Variants in RPS6KB1 observed in about 807,000 individuals in gnomAD.
RPS6KB1 encodes the protein ribosomal protein S6 kinase beta-1.
A neutral mutation model predicts 70.2 loss-of-function variants in RPS6KB1; 12 were observed. That is an observed-to-expected ratio of 0.17 (90% CI 0.11 to 0.28). The LOEUF is 0.28. Ranked by LOEUF, RPS6KB1 falls within the 10% of genes least tolerant of loss-of-function variation. RPS6KB1 has a pLI of 1.00. For missense variants in RPS6KB1, 270 were observed against 646.6 expected, an observed-to-expected ratio of 0.42 and a Z score of 6.32; for synonymous variants, 175 against 211.2, an observed-to-expected ratio of 0.83 and a Z score of 1.49.
At chr17:59,928,425 G>T (rs1369123046) in intron 5 of RPS6KB1, among the ~76,000 whole-genome samples, 1 of 150,898 alleles carries the variant, frequency 6.6e-6, no homozygotes, top group Non-Finnish European at 1.5e-5. Flanking sequence ...CTGTCGCCCA[G>T]ACTGGAGTGC....
rs928691453 is a variant in RPS6KB1 at position 59,948,649 on chromosome 17, C to T, written c.*1861C>T. The T allele has an allele frequency of 6.7e-6, 1 of 148,904 alleles. No individual in the cohort carries two copies. The highest frequency in any genetic ancestry group is 2.5e-5 in the African/African-American group (1 of 40,800). 9.2% of individuals were successfully genotyped at this position (148,904 alleles called of 1,614,324 possible). On this transcript the variant is annotated 3_prime_UTR_variant, in exon 15 of 15. Coordinates refer to ENST00000225577, the MANE Select transcript of RPS6KB1 (RefSeq NM_003161.4). ...GAATCGATAAAAGTTCATCTTTGGA[C>T]AGAAAGCCTTTAAAAAAAAAATCAC... is the stretch of plus-strand genomic sequence containing the variant.
At chr17:59,919,758 C>T (rs999095118) in intron 4 of RPS6KB1, among the ~76,000 whole-genome samples, 3 of 151,986 alleles carry the variant, frequency 2.0e-5, no homozygotes, top group Admixed American at 6.6e-5. Flanking sequence ...CTGTTCCTTA[C>T]ACAGACTTGT....
chr17:59,906,489 A>C (rs2042269990), intron 1 of RPS6KB1, among the ~76,000 whole-genome samples: 1 of 151,934 alleles, frequency 6.6e-6, no homozygotes, highest in Non-Finnish European at 1.5e-5. Context: ...CTCAGCCCTG[A>C]GTAGCTGGGA....
At position 59,940,962 on chromosome 17, in the gene RPS6KB1, A is replaced by C; in HGVS notation, c.1227+19A>C. On this transcript the variant is annotated intron_variant, in intron 13 of 14. Coordinates refer to ENST00000225577, the MANE Select transcript of RPS6KB1 (RefSeq NM_003161.4). ...CTTTCTGGTAAGTGAAAGAATTTCC[A>C]TGTAGTCATGGGAAATTTTAGTGTG... is the stretch of plus-strand genomic sequence containing the variant. The C allele has an allele frequency of 1.3e-6, 2 of 1,508,536 alleles. No homozygotes were observed. The highest frequency in any genetic ancestry group is 1.8e-6 in the Non-Finnish European group (2 of 1,098,954). The allele number at this position is 1,508,536 out of a possible 1,614,324, so 93.4% of individuals were successfully genotyped here.
At chr17:59,919,735 CT>C (rs1302975254) in intron 4 of RPS6KB1, among the ~76,000 whole-genome samples, 1 of 151,926 alleles carries the variant, frequency 6.6e-6, no homozygotes, top group African/African-American at 2.4e-5. Flanking sequence ...AGATGGGAGC[CT>C]TTTTGGTCTG....
At chr17:59,910,300 CT>C (rs1430115002) in intron 1 of RPS6KB1, among the ~76,000 whole-genome samples, 1 of 152,028 alleles carries the variant, frequency 6.6e-6, no homozygotes, top group African/African-American at 2.4e-5. Context: ...GATCATACCC[CT>C]TCATAGCTAT....
intron 4 of RPS6KB1, among the ~76,000 whole-genome samples, chr17:59,923,320 T>C (rs1321445051): frequency 4.0e-5 from 6 of 151,862 alleles, no homozygotes; most frequent in African/African-American, 1.2e-4. Context: ...GCCTCTGGAG[T>C]AACGGGAGTA....
intron 4 of RPS6KB1, among the ~76,000 whole-genome samples, chr17:59,918,086 A>G (rs1021564725): frequency 4.6e-5 from 7 of 151,992 alleles, no homozygotes; most frequent in Admixed American, 2.0e-4. Context: ...GGCATGTGCC[A>G]CCATGCCCGG....
intron 3 of RPS6KB1, among the ~76,000 whole-genome samples, chr17:59,913,453 T>C (rs187105287): frequency 2.0e-5 from 3 of 152,360 alleles, no homozygotes; most frequent in Admixed American, 6.5e-5. Flanking sequence ...CCTATTCTTA[T>C]GCTTAAGAAC....
At position 59,934,431 on chromosome 17, in the gene RPS6KB1, T is replaced by C; in HGVS notation, c.780-3T>C. On this transcript the variant is annotated splice_region_variant and splice_polypyrimidine_tract_variant and intron_variant, in intron 8 of 14. Transcript: ENST00000225577. The surrounding 1 kb of genome is among the most constrained non-coding windows in gnomAD (Gnocchi z 4.8). The stretch of plus-strand genomic sequence containing the variant: ...TTTAAGCATATTATTTTCCTCATTG[T>C]AGGGCCCCTGAAATCTTGATGAGAA... 6.2e-7 allele frequency: 1 copy of C among 1,613,184 alleles called. No individual in the cohort carries two copies. Among genetic ancestry groups the C allele is most frequent in the Non-Finnish European group, 8.5e-7 (1 of 1,179,202 alleles).
Position 59,893,459 on chromosome 17 carries a change from C to A in RPS6KB1, c.141+134C>A. 1.1e-6 allele frequency: 1 copy of A among 942,776 alleles called. No individual in the cohort carries two copies. The highest frequency in any genetic ancestry group is 2.7e-5 in the East Asian group (1 of 37,716). The allele number at this position is 942,776 out of a possible 1,614,324, so 58.4% of individuals were successfully genotyped here. On this transcript the variant is annotated intron_variant, in intron 1 of 14. Coordinates refer to ENST00000225577, the MANE Select transcript of RPS6KB1 (RefSeq NM_003161.4). This position sits in a 1 kb window ranked among gnomAD's most constrained non-coding sequence, Gnocchi z 4.1. ...GAGCTGAGGGTCGCGCGGCCTGAGACAGGGGAGCGGGCGGGGCGGTCATGG... is the reference window on the plus strand; with the variant it reads ...GAGCTGAGGGTCGCGCGGCCTGAGAAAGGGGAGCGGGCGGGGCGGTCATGG...
At position 59,942,517 on chromosome 17, in the gene RPS6KB1, C is replaced by CT. The variant is rs965827868; in HGVS notation, c.1227+1583dup. Among the ~76,000 whole-genome samples the CT allele has an allele frequency of 3.0e-4, 46 of 151,328 alleles. 1 individual carries two copies. Among genetic ancestry groups the CT allele is most frequent in the Middle Eastern group, 3.4e-3 (1 of 294 alleles). On this transcript the variant is annotated intron_variant, in intron 13 of 14. Transcript: ENST00000225577. ...ATGAACATCTATCTCATTTTGTATC[C>CT]TTTTTTTTTCTTTTGTCATTTGTTT... is the stretch of plus-strand genomic sequence containing the variant.
At chr17:59,895,336 T>TG (rs1159254054) in intron 1 of RPS6KB1, among the ~76,000 whole-genome samples, 10 of 110,526 alleles carry the variant, frequency 9.0e-5, no homozygotes, top group African/African-American at 3.6e-4. Flanking sequence ...TTTTTTTTTT[T>TG]TTTGAGACAG....
chr17:59,900,171 A>AACAC (rs759914423), intron 1 of RPS6KB1, among the ~76,000 whole-genome samples: 8,391 of 102,172 alleles, frequency 0.082, 435 homozygotes, highest in Non-Finnish European at 0.094. Context: ...CTAATTGCTA[A>AACAC]ACACACACAC....
intron 10 of RPS6KB1, 93 bp downstream of exon 10, chr17:59,935,393 AT>A: frequency 1.6e-6 from 1 of 638,022 alleles, no homozygotes; most frequent in South Asian, 2.2e-5. Flanking sequence ...AAAGAGTCAT[AT>A]ATAAATATTG....
chr17:59,946,539 C>T lies in RPS6KB1; in HGVS notation c.1341-12C>T, dbSNP rs2044934923. On this transcript the variant is annotated splice_polypyrimidine_tract_variant and intron_variant, in intron 14 of 14. Coordinates refer to ENST00000225577, the MANE Select transcript of RPS6KB1 (RefSeq NM_003161.4). The surrounding 1 kb of genome is among the most constrained non-coding windows in gnomAD (Gnocchi z 4.2). The stretch of plus-strand genomic sequence containing the variant: ...TTAAGCAAATGAATGATAGCTCTTC[C>T]TTGTCTTAAAGCCCAGTCAAATTTT... The T allele has an allele frequency of 6.2e-7, 1 of 1,605,616 alleles. No individual in the cohort carries two copies. The highest frequency in any genetic ancestry group is 1.3e-5 in the African/African-American group (1 of 74,718).
intron 6 of RPS6KB1, chr17:59,930,519 C>CT (rs112833262): frequency 0.042 from 8,577 of 202,518 alleles, 704 homozygotes; most frequent in African/African-American, 0.18. Flanking sequence ...GAAATCATCC[C>CT]TTTTTTTTTA....
rs1485880381 is a variant in RPS6KB1, at chr17:59,949,587, T to C, written c.*2799T>C. 1 of 152,590 alleles carries C rather than the reference T, an allele frequency of 6.6e-6. No homozygotes were observed. The highest frequency in any genetic ancestry group is 2.4e-5 in the African/African-American group (1 of 41,470). 9.5% of individuals were successfully genotyped at this position (152,590 alleles called of 1,614,324 possible). On this transcript the variant is annotated 3_prime_UTR_variant, in exon 15 of 15. Coordinates refer to ENST00000225577, the MANE Select transcript of RPS6KB1 (RefSeq NM_003161.4). ...TACAGAATAACTAAACTGGGATTTA[T>C]AAACCAGCTGTGATTAACAATGTAA... is the stretch of plus-strand genomic sequence containing the variant.
chr17:59,917,352 G>A (rs899685573), intron 4 of RPS6KB1, among the ~76,000 whole-genome samples: 6 of 152,090 alleles, frequency 3.9e-5, no homozygotes, highest in Non-Finnish European at 5.9e-5. Context: ...CTGGGCTCAA[G>A]TGATCCACCC....
Sources: gnomAD v4.1 joint callset for allele counts (sites outside exome capture counted in the v4.1 genomes callset) on GRCh38, gnomAD v4.1.1 for gene constraint, Gnocchi (gnomAD v3.1) non-coding constraint, MANE v1.5 for transcripts, NCBI Gene and HGNC (gene_info 2026-07-23, HGNC 2026-07-21) for gene names.